Variants in SGCD observed in about 807,000 individuals in gnomAD.
The protein encoded by SGCD is delta-sarcoglycan.
A neutral mutation model predicts 36.6 loss-of-function variants in SGCD; 18 were observed. That is an observed-to-expected ratio of 0.49 (90% CI 0.34 to 0.73). The LOEUF is 0.73. SGCD is among the 30% of genes least tolerant of loss of function. The pLI is 0.01. For missense variants in SGCD, 387 were observed against 346.7 expected, an observed-to-expected ratio of 1.12 and a Z score of -0.92; for synonymous variants, 133 against 130.6, an observed-to-expected ratio of 1.02 and a Z score of -0.12.
At chr5:156,518,200 G>A (rs1039255898) in intron 4 of SGCD, among the ~76,000 whole-genome samples, 1 of 152,168 alleles carries the variant, frequency 6.6e-6, no homozygotes, top group African/African-American at 2.4e-5. Context: ...CCTAGTTTCC[G>A]ACAAAACGGG....
intron 7 of SGCD, among the ~76,000 whole-genome samples, chr5:156,714,524 A>G (rs975252786): frequency 1.1e-4 from 17 of 152,200 alleles, no homozygotes; most frequent in Non-Finnish European, 4.4e-5. Context: ...AGAAACACAC[A>G]TAAAACAAAG....
At chr5:156,001,374 C>G (rs1032716129) in intron 1 of SGCD, among the ~76,000 whole-genome samples, 9 of 152,138 alleles carry the variant, frequency 5.9e-5, no homozygotes, top group African/African-American at 2.2e-4. Flanking sequence ...GGCAAAATTT[C>G]AAAATCTTGT....
intron 4 of SGCD, among the ~76,000 whole-genome samples, chr5:156,578,176 T>C (rs145547829): frequency 0.02 from 3,116 of 152,306 alleles, 128 homozygotes; most frequent in East Asian, 0.17. Context: ...GATAATCATG[T>C]GGTTTTTGTT....
chr5:156,703,707 C>G (rs1181308580), intron 7 of SGCD, among the ~76,000 whole-genome samples: 1 of 152,076 alleles, frequency 6.6e-6, no homozygotes, highest in African/African-American at 2.4e-5. Flanking sequence ...AAGAAATTCT[C>G]CATTTGATGA....
intron 4 of SGCD, among the ~76,000 whole-genome samples, chr5:156,535,970 A>G (rs538364495): frequency 3.0e-4 from 46 of 152,158 alleles, no homozygotes; most frequent in Non-Finnish European, 5.6e-4. Context: ...TTGACGGATA[A>G]TTTTTTTAAA....
chr5:156,584,541 A>G (rs1561795561), intron 4 of SGCD, among the ~76,000 whole-genome samples: 2 of 152,242 alleles, frequency 1.3e-5, no homozygotes, highest in East Asian at 3.8e-4. Flanking sequence ...ACCACATGCC[A>G]GATGAGTGCT....
chr5:155,873,175 G>A (rs1272553088), intron 1 of SGCD, among the ~76,000 whole-genome samples: 1 of 152,126 alleles, frequency 6.6e-6, no homozygotes, highest in Non-Finnish European at 1.5e-5. Context: ...GCCTCATTTG[G>A]TAGGTGTCCA....
In SGCD at chr5:156,474,226, G is replaced by A. The variant is rs1316138449; in HGVS notation, c.193-34375G>A. On this transcript the variant is annotated intron_variant, in intron 3 of 8. Coordinates refer to ENST00000337851, the MANE Select transcript of SGCD (RefSeq NM_000337.6). ...AGTCCCCATGAAAAAGAACTATCAA[G>A]CCCAAAATATCAATAGTGAAAGATG... 3.3e-5 allele frequency among the ~76,000 whole-genome samples: 5 copies of A among 152,120 alleles called. No individual in the cohort carries two copies. In the East Asian group the frequency reaches 9.6e-4, roughly 29 times the overall value.
chr5:156,232,764 G>A (rs1463811296), intron 3 of SGCD, among the ~76,000 whole-genome samples: 1 of 152,128 alleles, frequency 6.6e-6, no homozygotes, highest in South Asian at 2.1e-4. Flanking sequence ...GTGGGATTCT[G>A]CCTTGCCTTT....
At chr5:156,531,869 G>A (rs1757904920) in intron 4 of SGCD, among the ~76,000 whole-genome samples, 1 of 152,146 alleles carries the variant, frequency 6.6e-6, no homozygotes, top group South Asian at 2.1e-4. Flanking sequence ...AGCACTTTGG[G>A]AGGCTGAGGT....
At chr5:156,203,653 C>G (rs1764203154) in intron 3 of SGCD, among the ~76,000 whole-genome samples, 1 of 152,078 alleles carries the variant, frequency 6.6e-6, no homozygotes, top group Admixed American at 6.6e-5. Context: ...TAAAGTCCCT[C>G]AAAATAATTT....
At chr5:156,189,720 C>G (rs145196184) in intron 3 of SGCD, among the ~76,000 whole-genome samples, 1 of 151,936 alleles carries the variant, frequency 6.6e-6, no homozygotes, top group Non-Finnish European at 1.5e-5. Context: ...ATTGAACTTT[C>G]AAAGTCTGTT....
At chr5:155,871,770 G>A (rs1054069335) in intron 1 of SGCD, among the ~76,000 whole-genome samples, 1 of 152,194 alleles carries the variant, frequency 6.6e-6, no homozygotes, top group Non-Finnish European at 1.5e-5. Flanking sequence ...TTAAGGAATG[G>A]CTGGTGACAG....
chr5:156,719,824 C>CTT (rs76672672), intron 7 of SGCD, among the ~76,000 whole-genome samples: 10 of 138,776 alleles, frequency 7.2e-5, no homozygotes, highest in African/African-American at 1.8e-4. Context: ...GTCAAAGAAA[C>CTT]TTTTTTTTTT....
At chr5:156,409,486 C>T (rs1010364757) in intron 3 of SGCD, among the ~76,000 whole-genome samples, 2 of 152,176 alleles carry the variant, frequency 1.3e-5, no homozygotes, top group African/African-American at 4.8e-5. Context: ...TTGCTCCATC[C>T]CAACCAATCC....
At chr5:156,430,409 G>A (rs1400683831) in intron 3 of SGCD, among the ~76,000 whole-genome samples, 1 of 151,558 alleles carries the variant, frequency 6.6e-6, no homozygotes, top group Non-Finnish European at 1.5e-5. Flanking sequence ...TCATATCCTG[G>A]ATTTTTTTAA....
At position 156,028,480 on chromosome 5, in the gene SGCD, GAT is replaced by G. The variant is rs201524875; in HGVS notation, c.-281-89396_-281-89395del. Among the ~76,000 whole-genome samples the G allele has an allele frequency of 4.0e-3, 610 of 152,186 alleles. 5 individuals are homozygous for G. The highest frequency in any genetic ancestry group is 0.014 in the African/African-American group (573 of 41,524). On this transcript the variant is annotated intron_variant, in intron 1 of 9. Transcript: ENST00000517913. Reference sequence around the variant, plus strand: ...ATCTCAGTTTCTTCCTATGTAAAATGATAGCAATAATTTTTAGCTCAGTGTTG... The same window carrying G: ...ATCTCAGTTTCTTCCTATGTAAAATGAGCAATAATTTTTAGCTCAGTGTTG...
intron 4 of SGCD, among the ~76,000 whole-genome samples, chr5:156,581,662 G>A (rs1044871126): frequency 1.2e-4 from 19 of 152,152 alleles, no homozygotes; most frequent in South Asian, 4.1e-4. Context: ...CTGCTGCCTC[G>A]CAGGTTGATC....
intron 3 of SGCD, among the ~76,000 whole-genome samples, chr5:156,292,006 C>T (rs1766770125): frequency 6.6e-6 from 1 of 151,966 alleles, no homozygotes; most frequent in African/African-American, 2.4e-5. Context: ...CCCAACCCCA[C>T]CCCAGCCACT....
Sources: allele counts gnomAD v4.1 joint callset (sites outside exome capture counted in the v4.1 genomes callset), GRCh38; gene constraint gnomAD v4.1.1; transcripts MANE v1.5; gene names NCBI Gene and HGNC (gene_info 2026-07-23, HGNC 2026-07-21).